The following CCDC192 variants were observed in gnomAD, a reference collection of about 807,000 sequenced individuals.
CCDC192 encodes the protein coiled-coil domain-containing protein 192.
At chr5:127,877,012 G>A (rs547350470) in intron 6 of CCDC192, among the ~76,000 whole-genome samples, 9 of 152,260 alleles carry the variant, frequency 5.9e-5, no homozygotes, top group African/African-American at 1.7e-4. Context: ...CTTATTCTGA[G>A]GCATTAGCCA....
intron 6 of CCDC192, among the ~76,000 whole-genome samples, chr5:127,896,762 T>G (rs151850): frequency 0.28 from 41,972 of 152,100 alleles, 6,033 homozygotes; most frequent in African/African-American, 0.34. Context: ...TTTCATTTTC[T>G]GTGTTTCCTG....
At chr5:127,757,803 C>G (rs1754692238) in intron 3 of CCDC192, among the ~76,000 whole-genome samples, 1 of 80,712 alleles carries the variant, frequency 1.2e-5, no homozygotes, top group Non-Finnish European at 2.5e-5. Flanking sequence ...CACACACTCT[C>G]TCTCTCTCTC....
At chr5:127,849,508 G>A (rs1750707703) in intron 5 of CCDC192, among the ~76,000 whole-genome samples, 1 of 152,096 alleles carries the variant, frequency 6.6e-6, no homozygotes, top group Admixed American at 6.6e-5. Context: ...GGCTCTCCTG[G>A]GACAAAAGAG....
At chr5:127,908,380 A>T (rs578211887) in intron 6 of CCDC192, among the ~76,000 whole-genome samples, 14 of 152,350 alleles carry the variant, frequency 9.2e-5, no homozygotes, top group African/African-American at 3.4e-4. Flanking sequence ...AAATACAATT[A>T]TATGAACAGG....
chr5:127,808,399 G>A (rs1351897696), intron 5 of CCDC192, among the ~76,000 whole-genome samples: 1 of 151,886 alleles, frequency 6.6e-6, no homozygotes, highest in Non-Finnish European at 1.5e-5. Context: ...AATCCTAAGG[G>A]AAGTAGTCAG....
At chr5:127,838,467 T>C (rs920396773) in intron 5 of CCDC192, 1 of 152,212 alleles carries the variant, frequency 6.6e-6, no homozygotes. Flanking sequence ...ATGTATGTAC[T>C]CAGGAAATAA....
intron 5 of CCDC192, among the ~76,000 whole-genome samples, chr5:127,802,870 C>T (rs1045845020): frequency 1.3e-5 from 2 of 152,146 alleles, no homozygotes; most frequent in Admixed American, 1.3e-4. Context: ...CAGGGAAAAT[C>T]ACTTTATGAC....
intron 5 of CCDC192, among the ~76,000 whole-genome samples, chr5:127,862,480 A>G (rs1751409860): frequency 6.6e-6 from 1 of 152,260 alleles, no homozygotes; most frequent in Non-Finnish European, 1.5e-5. Flanking sequence ...ATAGTTGTAT[A>G]TATCAGAACC....
intron 2 of CCDC192, among the ~76,000 whole-genome samples, chr5:127,709,048 G>A (rs982539691): frequency 1.3e-5 from 2 of 151,096 alleles, no homozygotes; most frequent in South Asian, 2.1e-4. Flanking sequence ...CCTTAGGAAG[G>A]TTCCAATTAG....
chr5:127,875,156 A>G (rs1752022903), intron 5 of CCDC192, among the ~76,000 whole-genome samples: 1 of 152,176 alleles, frequency 6.6e-6, no homozygotes, highest in Admixed American at 6.5e-5. Context: ...TCTATTTCAT[A>G]TGAGTCTACT....
At chr5:127,716,131 G>T (rs750819734) in intron 2 of CCDC192, among the ~76,000 whole-genome samples, 10 of 150,528 alleles carry the variant, frequency 6.6e-5, no homozygotes, top group Admixed American at 2.6e-4. Context: ...CTTTTTTTTT[G>T]CATCTGTTGA....
rs1419520931 is a variant in CCDC192, at chr5:127,763,930, ACTT to A, written c.222+9563_222+9565del. ...TTAGATGCCATTCCCTCCAAAATGC[ACTT>A]CTTCTTCCTTCAAGTTTGGGTTAGA... On this transcript the variant is annotated intron_variant, in intron 3 of 6. Transcript: ENST00000514853. Among the ~76,000 whole-genome samples, 13 of 152,136 alleles carry A rather than the reference ACTT, an allele frequency of 8.5e-5. No homozygotes were observed. The East Asian group carries it at 1.7e-3, about 20-fold the overall frequency.
At chr5:127,776,694 A>G (rs1461114988) in intron 3 of CCDC192, among the ~76,000 whole-genome samples, 5 of 152,164 alleles carry the variant, frequency 3.3e-5, no homozygotes, top group Non-Finnish European at 5.9e-5. Flanking sequence ...GACTGGGCCC[A>G]TGGTCCCTCT....
At chr5:127,847,297 T>A (rs1311345178) in intron 5 of CCDC192, among the ~76,000 whole-genome samples, 1 of 152,226 alleles carries the variant, frequency 6.6e-6, no homozygotes, top group African/African-American at 2.4e-5. Flanking sequence ...TTTTTCACAT[T>A]TTTCCTCCAT....
At chr5:127,889,667 G>T (rs1322287956) in intron 6 of CCDC192, among the ~76,000 whole-genome samples, 3 of 152,166 alleles carry the variant, frequency 2.0e-5, no homozygotes, top group Non-Finnish European at 4.4e-5. Context: ...CTCCCAAAGT[G>T]CTGGGATTAC....
chr5:127,923,598 T>G (rs977612962), intron 6 of CCDC192, among the ~76,000 whole-genome samples: 1 of 152,166 alleles, frequency 6.6e-6, no homozygotes, highest in Non-Finnish European at 1.5e-5. Flanking sequence ...AGGATGGTCT[T>G]GATCTTCTGA....
Position 127,738,443 on chromosome 5 carries a change from C to T in CCDC192, c.115-15825C>T, listed in dbSNP as rs1426051577. 4.6e-3 allele frequency among the ~76,000 whole-genome samples: 658 copies of T among 142,912 alleles called. 1 individual carries two copies. The highest frequency in any genetic ancestry group is 0.016 in the African/African-American group (609 of 37,630). The allele number at this position is 142,912 out of a possible 152,430, so 93.8% of individuals were successfully genotyped here. A position where few individuals can be genotyped will look rare whatever the true frequency, so the allele number is the denominator to read the frequency against. On this transcript the variant is annotated intron_variant, in intron 2 of 6. Transcript: ENST00000514853. ...CTCTTCTCAAGGAGTATCTTTGTGGCGTTCTCTGTATTTCCTGAATCTGAA... is the reference window on the plus strand; with the variant it reads ...CTCTTCTCAAGGAGTATCTTTGTGGTGTTCTCTGTATTTCCTGAATCTGAA...
At chr5:127,744,496 G>A (rs1432795706) in intron 2 of CCDC192, among the ~76,000 whole-genome samples, 1 of 152,152 alleles carries the variant, frequency 6.6e-6, no homozygotes, top group African/African-American at 2.4e-5. Flanking sequence ...CATATTAGAA[G>A]CCTCAGATTT....
chr5:127,786,271 T>C, intron 3 of CCDC192: 2 of 656,336 alleles, frequency 3.0e-6, no homozygotes, highest in South Asian at 3.5e-5. Context: ...CTTATTCATA[T>C]ATTCAGTAAC....
Sources: allele counts gnomAD v4.1 joint callset (sites outside exome capture counted in the v4.1 genomes callset), GRCh38; gene constraint gnomAD v4.1.1; transcripts MANE v1.5; gene names NCBI Gene and HGNC (gene_info 2026-07-23, HGNC 2026-07-21).